PEF1: variants seen among roughly 807,000 people sequenced by gnomAD.
The protein encoded by PEF1 is peflin.
In PEF1, 17 loss-of-function variants were observed where a neutral mutation model predicts 32.0. The observed-to-expected ratio is 0.53, with a 90% CI of 0.36 to 0.80. The LOEUF is 0.80. Among genes scored for constraint, PEF1 ranks in the 30% least tolerant of loss-of-function variants. PEF1 has a pLI of 0.00. For missense variants in PEF1, 362 were observed against 369.1 expected, an observed-to-expected ratio of 0.98 and a Z score of 0.16; for synonymous variants, 130 against 139.8, an observed-to-expected ratio of 0.93 and a Z score of 0.50.
At chr1:31,644,460 G>A in intron 1 of PEF1, 2 of 1,142,944 alleles carry the variant, frequency 1.7e-6, no homozygotes, top group Non-Finnish European at 2.2e-6. Flanking sequence ...ATTTTTATCC[G>A]ACGCCCCAAA....
chr1:31,644,740 G>A, intron 1 of PEF1, 101 bp downstream of exon 1: 10 of 1,598,762 alleles, frequency 6.3e-6, no homozygotes, highest in Non-Finnish European at 8.5e-6. Context: ...CGAACCCATC[G>A]TGGGAAGGGC....
At chr1:31,644,269 C>T in intron 1 of PEF1, 2 of 676,098 alleles carry the variant, frequency 3.0e-6, no homozygotes, top group Non-Finnish European at 3.7e-6. Context: ...GACCTCGGCC[C>T]TGCTGCCTAA....
At chr1:31,644,497 A>C (rs1570289772) in intron 1 of PEF1, 1 of 1,272,184 alleles carries the variant, frequency 7.9e-7, no homozygotes, top group East Asian at 3.5e-5. Context: ...AGAACTCTAA[A>C]CCTCCGGTCA....
intron 1 of PEF1, among the ~76,000 whole-genome samples, chr1:31,639,776 A>ATCC (rs1288892910): frequency 4.6e-5 from 7 of 152,200 alleles, no homozygotes; most frequent in African/African-American, 9.6e-5. Flanking sequence ...GAGTGAGGAA[A>ATCC]GTGTTCAGAA....
intron 1 of PEF1, among the ~76,000 whole-genome samples, chr1:31,636,597 A>C (rs1319604450): frequency 1.3e-5 from 2 of 152,238 alleles, no homozygotes; most frequent in Admixed American, 1.3e-4. Flanking sequence ...AAATGGGAAT[A>C]ATAATAGCTA....
chr1:31,635,831 C>G (rs1640239816), intron 1 of PEF1, among the ~76,000 whole-genome samples: 1 of 152,196 alleles, frequency 6.6e-6, no homozygotes, highest in African/African-American at 2.4e-5. Flanking sequence ...TTATCCCCAG[C>G]TCCCAGTGTA....
chr1:31,644,394 ACAAC>A (rs1640491682), intron 1 of PEF1: 3 of 1,017,926 alleles, frequency 2.9e-6, no homozygotes, highest in South Asian at 8.0e-5. Context: ...GGCGCCTGCT[ACAAC>A]CAGAGTTTCC....
rs1465872048 is a variant in PEF1 at position 31,630,663 on chromosome 1, G to A, written c.805C>T (p.Arg269Trp). ...GTGACGAAGTCCTCGAAGCTGAGCC[G>A]AATGTTGCCTTGTACAGCTGTGTCC... Reference protein sequence around the residue: ...EKDTAVQGNIRLSFEDFVTMT... With the variant: ...EKDTAVQGNIWLSFEDFVTMT... Residue 269 changes from arginine (R) to tryptophan (W), a missense_variant, in exon 5 of 5, where the codon CGG becomes TGG. Transcript: ENST00000373703. 5 of 1,613,234 alleles carry A rather than the reference G, an allele frequency of 3.1e-6. No homozygotes were observed. Among genetic ancestry groups the A allele is most frequent in the Non-Finnish European group, 4.2e-6 (5 of 1,180,056 alleles).
chr1:31,637,154 G>C (rs556127507), intron 1 of PEF1, among the ~76,000 whole-genome samples: 2 of 121,594 alleles, frequency 1.6e-5, no homozygotes, highest in Admixed American at 1.7e-4. Flanking sequence ...GGGGAGGGCA[G>C]GAAGCAGGCC....
chr1:31,634,293 A>G (rs1160283719), intron 2 of PEF1, among the ~76,000 whole-genome samples: 1 of 152,232 alleles, frequency 6.6e-6, no homozygotes, highest in Non-Finnish European at 1.5e-5. Context: ...TTTGTATAGA[A>G]GGGCTCAGGC....
chr1:31,643,686 G>A (rs909365335), intron 1 of PEF1, among the ~76,000 whole-genome samples: 1 of 152,232 alleles, frequency 6.6e-6, no homozygotes, highest in Non-Finnish European at 1.5e-5. Context: ...ACCCGCACAA[G>A]ACTGCACTCC....
chr1:31,630,909 A>G, intron 4 of PEF1, 67 bp from the exon 5 acceptor site: 1 of 1,299,688 alleles, frequency 7.7e-7, no homozygotes, highest in Non-Finnish European at 1.1e-6. Flanking sequence ...TCAATCAGGA[A>G]TACTGGATCA....
chr1:31,641,317 C>T (rs1457252736), intron 1 of PEF1, among the ~76,000 whole-genome samples: 1 of 152,144 alleles, frequency 6.6e-6, no homozygotes, highest in Non-Finnish European at 1.5e-5. Flanking sequence ...CCTAGATTAC[C>T]TCAATAGCGT....
At position 31,635,237 on chromosome 1, in the gene PEF1, C is replaced by T. The variant is rs779283966; in HGVS notation, c.310G>A (p.Gly104Arg). The change falls in exon 2 of 5, where the codon GGG becomes AGG. Residue 104 changes from glycine to arginine, a missense_variant. By Grantham distance (125) the Gly-to-Arg change is moderately radical. Coordinates refer to ENST00000373703, the MANE Select transcript of PEF1 (RefSeq NM_012392.4). ...PPSSYGAQQPGLYGQGGAPPN... is the reference protein window; with the variant it reads ...PPSSYGAQQPRLYGQGGAPPN... ...TACTACTTACCCTGTCCATAAAGCCCAGGCTGCTGGGCACCGTAGGAACTT... is the reference window on the plus strand; with the variant it reads ...TACTACTTACCCTGTCCATAAAGCCTAGGCTGCTGGGCACCGTAGGAACTT... 1.9e-6 allele frequency: 3 copies of T among 1,614,116 alleles called. No individual in the cohort carries two copies. Among genetic ancestry groups the T allele is most frequent in the Non-Finnish European group, 2.5e-6 (3 of 1,179,996 alleles).
At chr1:31,644,352 A>G (rs1021030715) in intron 1 of PEF1, 1 of 992,710 alleles carries the variant, frequency 1.0e-6, no homozygotes. Flanking sequence ...GGCGGTGTTG[A>G]ACTAAGTCAG....
Position 31,633,051 on chromosome 1 carries a change from G to T in PEF1, c.481+108C>A, listed in dbSNP as rs975356022. The stretch of plus-strand genomic sequence containing the variant: ...TAGCTTCCTCCCCACAGTCCTCCCT[G>T]GTCAATGAATTTCTCTTCAGAATGT... On this transcript the variant is annotated intron_variant, in intron 3 of 4. Transcript: ENST00000373703. 20 of 1,318,686 alleles carry T rather than the reference G, an allele frequency of 1.5e-5. No individual in the cohort carries two copies. The African/African-American group carries it at 2.5e-4, about 16-fold the overall frequency. 81.7% of individuals were successfully genotyped at this position (1,318,686 alleles called of 1,614,324 possible).
intron 2 of PEF1, among the ~76,000 whole-genome samples, chr1:31,633,672 G>C (rs1402313473): frequency 2.0e-5 from 3 of 152,178 alleles, no homozygotes. Flanking sequence ...AAGTGTAGAA[G>C]TGGCCAGGCA....
chr1:31,634,920 G>A (rs1215161933), intron 2 of PEF1: 1 of 554,934 alleles, frequency 1.8e-6, no homozygotes, highest in Non-Finnish European at 3.4e-6. Flanking sequence ...TCCCAAACAG[G>A]AGCTGCTCCT....
chr1:31,644,672 AG>A (rs1640504449), intron 1 of PEF1, 168 bp downstream of exon 1: 4 of 1,469,344 alleles, frequency 2.7e-6, no homozygotes, highest in Admixed American at 4.5e-5. Context: ...TCATGACGTG[AG>A]CAGGGCGCGA....
Sources: gnomAD v4.1 joint callset for allele counts (sites outside exome capture counted in the v4.1 genomes callset) on GRCh38, gnomAD v4.1.1 for gene constraint, MANE v1.5 for transcripts, NCBI Gene and HGNC (gene_info 2026-07-23, HGNC 2026-07-21) for gene names.